The following PTPRD variants were observed in gnomAD, a reference collection of about 807,000 sequenced individuals.
The protein encoded by PTPRD is receptor-type tyrosine-protein phosphatase delta.
Under a neutral mutation model 214.5 loss-of-function variants are expected in PTPRD, and 34 were observed. The observed-to-expected ratio is 0.16, with a 90% CI of 0.12 to 0.21. The LOEUF is 0.21. PTPRD is among the 10% of genes least tolerant of loss of function. PTPRD has a pLI of 1.00. For missense variants in PTPRD, 2,545 were observed against 2,398.7 expected, an observed-to-expected ratio of 1.06 and a Z score of -1.27; for synonymous variants, 1,128 against 845.7, an observed-to-expected ratio of 1.33 and a Z score of -5.79.
At chr9:10,425,933 T>C (rs539143901) in intron 2 of PTPRD, among the ~76,000 whole-genome samples, 1 of 152,110 alleles carries the variant, frequency 6.6e-6, no homozygotes, top group African/African-American at 2.4e-5. Context: ...TTGTAGATCG[T>C]ATATAGACAA....
intron 11 of PTPRD, among the ~76,000 whole-genome samples, chr9:8,754,474 T>C (rs1336544283): frequency 1.3e-5 from 2 of 152,200 alleles, no homozygotes; most frequent in Non-Finnish European, 2.9e-5. Flanking sequence ...AGATGATTTA[T>C]ACACAGCTAT....
intron 8 of PTPRD, among the ~76,000 whole-genome samples, chr9:9,548,536 C>T: frequency 6.6e-6 from 1 of 150,938 alleles, no homozygotes; most frequent in East Asian, 2.0e-4. Context: ...GCCTCCTGGG[C>T]TACAGGCGTC....
chr9:9,797,397 G>T (rs768538549), intron 5 of PTPRD, among the ~76,000 whole-genome samples: 4 of 150,938 alleles, frequency 2.7e-5, no homozygotes, highest in African/African-American at 9.7e-5. Flanking sequence ...AATTTAAGAA[G>T]GTAATTATTG....
intron 9 of PTPRD, among the ~76,000 whole-genome samples, chr9:9,329,326 A>G (rs1595873679): frequency 1.3e-5 from 2 of 152,348 alleles, no homozygotes; most frequent in East Asian, 3.9e-4. Flanking sequence ...CAGAGATTAC[A>G]GTCTATATGA....
intron 7 of PTPRD, among the ~76,000 whole-genome samples, chr9:9,692,490 C>T (rs960913847): frequency 6.6e-6 from 1 of 151,918 alleles, no homozygotes; most frequent in African/African-American, 2.4e-5. Flanking sequence ...GTTTATGTGT[C>T]TGTTTTTATG....
At chr9:8,809,648 G>A (rs916768282) in intron 11 of PTPRD, among the ~76,000 whole-genome samples, 14 of 152,104 alleles carry the variant, frequency 9.2e-5, no homozygotes, top group Admixed American at 9.2e-4. Context: ...AAAATTCCAG[G>A]TGTTAACTAC....
At chr9:10,186,169 A>T (rs2099329332) in intron 3 of PTPRD, among the ~76,000 whole-genome samples, 1 of 152,102 alleles carries the variant, frequency 6.6e-6, no homozygotes, top group African/African-American at 2.4e-5. Context: ...CTATTGGATC[A>T]ACGTTTTTGA....
At chr9:10,547,200 A>C (rs542263432) in intron 2 of PTPRD, among the ~76,000 whole-genome samples, 2 of 152,252 alleles carry the variant, frequency 1.3e-5, no homozygotes, top group Admixed American at 1.3e-4. Flanking sequence ...CTAGTAGAAA[A>C]AGTTTCTCAT....
At chr9:10,251,382 A>G (rs1268938483) in intron 3 of PTPRD, among the ~76,000 whole-genome samples, 1 of 92,488 alleles carries the variant, frequency 1.1e-5, no homozygotes, top group Non-Finnish European at 2.9e-5. Flanking sequence ...AAAATAAGAG[A>G]CTAAACTCTT....
intron 14 of PTPRD, among the ~76,000 whole-genome samples, chr9:8,602,587 C>A (rs970794949): frequency 1.3e-5 from 2 of 152,148 alleles, no homozygotes; most frequent in Non-Finnish European, 2.9e-5. Context: ...ATGTTTTTAT[C>A]TGACATAAAA....
chr9:8,937,411 A>C (rs2099004934), intron 11 of PTPRD, among the ~76,000 whole-genome samples: 1 of 152,206 alleles, frequency 6.6e-6, no homozygotes, highest in Non-Finnish European at 1.5e-5. Flanking sequence ...TTAGGGTTTC[A>C]AATTACCTAT....
intron 2 of PTPRD, among the ~76,000 whole-genome samples, chr9:10,535,048 G>C (rs915771591): frequency 6.6e-6 from 1 of 152,182 alleles, no homozygotes; most frequent in Admixed American, 6.6e-5. Context: ...GTTGTTTACA[G>C]CTGGGGGATG....
Position 9,101,236 on chromosome 9 carries a change from C to T in PTPRD, c.-143+82068G>A, listed in dbSNP as rs144231992. Among the ~76,000 whole-genome samples, 713 of 152,148 alleles carry T rather than the reference C, an allele frequency of 4.7e-3. 7 individuals carry two copies. The highest frequency in any genetic ancestry group is 0.016 in the African/African-American group (680 of 41,546). ...GCTCATTATAGATATAAAAAAAGATCTTTCAGAAAGATCTGAGCTTTAATA... is the reference window on the plus strand; with the variant it reads ...GCTCATTATAGATATAAAAAAAGATTTTTCAGAAAGATCTGAGCTTTAATA... On this transcript the variant is annotated intron_variant, in intron 10 of 45. Coordinates refer to ENST00000381196, the MANE Select transcript of PTPRD (RefSeq NM_002839.4).
chr9:8,608,564 T>C (rs946995501), intron 14 of PTPRD, among the ~76,000 whole-genome samples: 8 of 152,010 alleles, frequency 5.3e-5, no homozygotes, highest in Non-Finnish European at 1.0e-4. Context: ...TATCTTCTTA[T>C]GGCTTGACCC....
At chr9:8,930,111 C>T (rs76285831) in intron 11 of PTPRD, among the ~76,000 whole-genome samples, 117,311 of 145,284 alleles carry the variant, frequency 0.81, 47,596 homozygotes, top group East Asian at 0.89. Flanking sequence ...CCCTCCCACC[C>T]CCCCCCACAC....
chr9:9,694,445 GGCAGGT>G (rs2097333002), intron 7 of PTPRD, among the ~76,000 whole-genome samples: 1 of 151,878 alleles, frequency 6.6e-6, no homozygotes, highest in African/African-American at 2.4e-5. Context: ...ACCTGGAATG[GGCAGGT>G]GTGTTGATGC....
intron 10 of PTPRD, among the ~76,000 whole-genome samples, chr9:9,138,997 A>T (rs1488548174): frequency 6.6e-6 from 1 of 152,140 alleles, no homozygotes; most frequent in East Asian, 1.9e-4. Context: ...TTACTTATTT[A>T]TGTGCTTAAA....
At position 9,033,730 on chromosome 9, in the gene PTPRD, G is replaced by A. The variant is rs78104588; in HGVS notation, c.-142-14995C>T. ...TCTCTGTTCTTTTATTCTCTCTTGG[G>A]TTTAGTTACTTGCCCAGGTGGTCTC... On this transcript the variant is annotated intron_variant, in intron 10 of 45. Transcript: ENST00000381196. Among the ~76,000 whole-genome samples the A allele has an allele frequency of 1.3e-3, 203 of 151,672 alleles. 1 individual carries two copies. The highest frequency in any genetic ancestry group is 4.6e-3 in the African/African-American group (192 of 41,306).
chr9:10,488,007 T>TCTCTCC (rs2099144274), intron 2 of PTPRD, among the ~76,000 whole-genome samples: 2 of 143,668 alleles, frequency 1.4e-5, no homozygotes, highest in Admixed American at 1.4e-4. Context: ...TCTCTCTCTC[T>TCTCTCC]GTTCTGAACC....
Sources: allele counts gnomAD v4.1 joint callset (sites outside exome capture counted in the v4.1 genomes callset), GRCh38; gene constraint gnomAD v4.1.1; transcripts MANE v1.5; gene names NCBI Gene and HGNC (gene_info 2026-07-23, HGNC 2026-07-21).